The following PRKAR1B variants were observed in gnomAD, a reference collection of about 807,000 sequenced individuals.
PRKAR1B encodes the protein cAMP-dependent protein kinase type I-beta regulatory subunit.
A neutral mutation model predicts 46.5 loss-of-function variants in PRKAR1B; 22 were observed. The ratio of observed to expected loss-of-function variants is 0.47; its 90% CI spans 0.34 to 0.68. The LOEUF is 0.68. Ranked by LOEUF, PRKAR1B falls within the 30% of genes least tolerant of loss-of-function variation. The pLI is 0.01. For missense variants in PRKAR1B, 445 were observed against 535.6 expected, an observed-to-expected ratio of 0.83 and a Z score of 1.67; for synonymous variants, 259 against 217.7, an observed-to-expected ratio of 1.19 and a Z score of -1.67.
At chr7:696,679 T>A (rs1325846350) in intron 2 of PRKAR1B, 3 of 152,228 alleles carry the variant, frequency 2.0e-5, no homozygotes, top group Non-Finnish European at 4.4e-5. Flanking sequence ...GGCTCTCCCT[T>A]TGCAGGAACC....
At position 694,023 on chromosome 7, in the gene PRKAR1B, G is replaced by A. The variant is rs963617002; in HGVS notation, c.178-13297C>T. Reference sequence around the variant, plus strand: ...GACTCGGCCGGGCGTGGTGGCTCACGCCTGTAATCCCAGCACTTTGGGAGG... The same window carrying A: ...GACTCGGCCGGGCGTGGTGGCTCACACCTGTAATCCCAGCACTTTGGGAGG... On this transcript the variant is annotated intron_variant, in intron 2 of 10. Transcript: ENST00000537384. Among the ~76,000 whole-genome samples the A allele has an allele frequency of 1.2e-4, 18 of 152,210 alleles. No individual in the cohort carries two copies. In the East Asian group the frequency reaches 1.4e-3, roughly 11 times the overall value.
intron 2 of PRKAR1B, among the ~76,000 whole-genome samples, chr7:705,252 G>A (rs940394554): frequency 9.4e-5 from 14 of 148,844 alleles, no homozygotes; most frequent in African/African-American, 3.5e-4. Flanking sequence ...GCAGTAAACC[G>A]AGATCACGCC....
intron 1 of PRKAR1B, among the ~76,000 whole-genome samples, chr7:715,380 C>G (rs932346299): frequency 4.6e-5 from 7 of 152,092 alleles, no homozygotes; most frequent in South Asian, 2.1e-4. Context: ...AGGAGCTGCG[C>G]TTGGTCATCG....
At chr7:558,282 T>C (rs1254901945) in intron 9 of PRKAR1B, among the ~76,000 whole-genome samples, 1 of 132,534 alleles carries the variant, frequency 7.5e-6, no homozygotes, top group Non-Finnish European at 1.5e-5. Context: ...GCCATGATTG[T>C]ACCACTGCAC....
chr7:588,595 C>CAGT (rs1780752319), intron 7 of PRKAR1B, among the ~76,000 whole-genome samples: 1 of 24,044 alleles, frequency 4.2e-5, no homozygotes, highest in African/African-American at 1.8e-4. Flanking sequence ...GTGGTGATGA[C>CAGT]GGTGGTGATG....
At chr7:656,074 G>A (rs1785168699) in intron 4 of PRKAR1B, among the ~76,000 whole-genome samples, 1 of 152,188 alleles carries the variant, frequency 6.6e-6, no homozygotes, top group Non-Finnish European at 1.5e-5. Context: ...TCCCACTTGT[G>A]TCTACATCTG....
intron 9 of PRKAR1B, among the ~76,000 whole-genome samples, chr7:557,857 C>G (rs1321508178): frequency 6.6e-6 from 1 of 152,068 alleles, no homozygotes; most frequent in Non-Finnish European, 1.5e-5. Context: ...AGGTCATACT[C>G]CCCAAATTTT....
At chr7:706,320 T>C (rs1231520044) in intron 2 of PRKAR1B, among the ~76,000 whole-genome samples, 8 of 150,258 alleles carry the variant, frequency 5.3e-5, no homozygotes, top group Non-Finnish European at 8.9e-5. Flanking sequence ...AGCCAGACCC[T>C]GTCTCAAAAA....
In PRKAR1B at chr7:576,137, G is replaced by A. The variant is rs184309797; in HGVS notation, c.891+3119C>T. On this transcript the variant is annotated intron_variant, in intron 9 of 10. Transcript: ENST00000537384. ...CCTCTGCACACGGGCGGGCGTGCAC[G>A]CTGGCATCCTCTCCTCTGCAGACGG... Among the ~76,000 whole-genome samples, 952 of 150,866 alleles carry A rather than the reference G, an allele frequency of 6.3e-3. 8 individuals carry two copies. The highest frequency in any genetic ancestry group is 0.017 in the Middle Eastern group (5 of 288).
intron 4 of PRKAR1B, among the ~76,000 whole-genome samples, chr7:641,267 T>A (rs1784373025): frequency 6.6e-6 from 1 of 152,116 alleles, no homozygotes; most frequent in Non-Finnish European, 1.5e-5. Flanking sequence ...AGAGAATTCT[T>A]TAAAGGCCGG....
intron 4 of PRKAR1B, among the ~76,000 whole-genome samples, chr7:623,177 G>C (rs1783202555): frequency 6.6e-6 from 1 of 152,198 alleles, no homozygotes; most frequent in African/African-American, 2.4e-5. Flanking sequence ...TTGACTACAA[G>C]TTTCCAAAAA....
intron 1 of PRKAR1B, among the ~76,000 whole-genome samples, chr7:721,620 C>G (rs1157070966): frequency 6.6e-6 from 1 of 151,810 alleles, no homozygotes; most frequent in East Asian, 1.9e-4. Context: ...TGCACTCCAG[C>G]CTGGGCAACA....
chr7:550,215 T>G lies in PRKAR1B; in HGVS notation c.*215A>C. 1 of 568,820 alleles carries G rather than the reference T, an allele frequency of 1.8e-6. No homozygotes were observed. Among genetic ancestry groups the G allele is most frequent in the Non-Finnish European group, 3.1e-6 (1 of 318,246 alleles). 35.2% of individuals were successfully genotyped at this position (568,820 alleles called of 1,614,324 possible). A position where few individuals can be genotyped will look rare whatever the true frequency, so the allele number is the denominator to read the frequency against. On this transcript the variant is annotated 3_prime_UTR_variant, in exon 11 of 11. Transcript: ENST00000537384. ...AGCTGGCCTGTCCCTTCCTTGATCT[T>G]GGGATGCATTTTGTCCGCTTGTCCT...
Position 677,249 on chromosome 7 carries a change from G to A in PRKAR1B, c.420C>T (p.His140=). 6.2e-7 allele frequency: 1 copy of A among 1,614,240 alleles called. No homozygotes were observed. The highest frequency in any genetic ancestry group is 8.5e-7 in the Non-Finnish European group (1 of 1,180,038). ...KAISKNVLFA[H]LDDNERSDIF... Reference sequence around the variant, plus strand: ...CCTACCTCCTCTCGTTGTCATCCAGGTGAGCGAAGAGCACGTTCTTGGAGA... The same window carrying A: ...CCTACCTCCTCTCGTTGTCATCCAGATGAGCGAAGAGCACGTTCTTGGAGA... The change falls in exon 4 of 11, where the codon CAC becomes CAT. Residue 140 remains histidine (H), a synonymous_variant. Coordinates refer to ENST00000537384, the MANE Select transcript of PRKAR1B (RefSeq NM_001164760.2).
intron 2 of PRKAR1B, among the ~76,000 whole-genome samples, chr7:684,405 A>G (rs1778887808): frequency 6.6e-6 from 1 of 152,250 alleles, no homozygotes; most frequent in Non-Finnish European, 1.5e-5. Context: ...GACCTCTCGA[A>G]TGACAGCAAA....
intron 6 of PRKAR1B, among the ~76,000 whole-genome samples, chr7:605,942 G>T (rs1014405714): frequency 6.6e-6 from 1 of 152,182 alleles, no homozygotes. Flanking sequence ...GGGGGCAAGC[G>T]GAAGACAGCG....
intron 2 of PRKAR1B, among the ~76,000 whole-genome samples, chr7:699,343 G>A (rs1381953268): frequency 1.3e-5 from 2 of 152,234 alleles, no homozygotes; most frequent in Non-Finnish European, 2.9e-5. Context: ...ATATCTCGGT[G>A]TTCCTGCACT....
At chr7:597,594 AGG>A (rs1358412796) in intron 6 of PRKAR1B, among the ~76,000 whole-genome samples, 1 of 152,226 alleles carries the variant, frequency 6.6e-6, no homozygotes, top group Non-Finnish European at 1.5e-5. Context: ...CCGCGCGTGC[AGG>A]GATACGTGGA....
At chr7:726,978 C>T (rs866101617) in intron 1 of PRKAR1B, 2 of 1,294,016 alleles carry the variant, frequency 1.5e-6, no homozygotes, top group African/African-American at 1.6e-5. Context: ...GCTGCCTGAG[C>T]GACCCCGCCG....
Sources: allele counts gnomAD v4.1 joint callset (sites outside exome capture counted in the v4.1 genomes callset), GRCh38; gene constraint gnomAD v4.1.1; transcripts MANE v1.5; gene names NCBI Gene and HGNC (gene_info 2026-07-23, HGNC 2026-07-21).